Variants in GUK1 observed in about 807,000 individuals in gnomAD.
GUK1 encodes guanylate kinase 1, also known as guanylate kinase.
Under a neutral mutation model 25.2 loss-of-function variants are expected in GUK1, and 18 were observed. That is an observed-to-expected ratio of 0.71 (90% CI 0.49 to 1.06). The LOEUF (loss-of-function observed/expected upper bound fraction) is 1.06, where lower values mean the gene tolerates loss of function less well. GUK1 is among the 50% of genes least tolerant of loss of function. GUK1 has a pLI of 0.00. For synonymous variants in GUK1, 105 were observed against 117.6 expected, an observed-to-expected ratio of 0.89 and a Z score of 0.69; for missense variants, 261 against 276.7, an observed-to-expected ratio of 0.94 and a Z score of 0.40.
chr1:228,141,312 C>G, intron 2 of GUK1: 1 of 964,826 alleles, frequency 1.0e-6, no homozygotes, highest in Non-Finnish European at 1.2e-6. Context: ...CCTGTCCCCC[C>G]CGGGGAAAGA....
At position 228,147,561 on chromosome 1, in the gene GUK1, G is replaced by A; in HGVS notation, c.390+17G>A. On this transcript the variant is annotated intron_variant, in intron 6 of 8. Transcript: ENST00000312726. ...CACGTGCTGGTGTGTGCTGGGCAGG[G>A]TTGGGGGCTGGGGGCCAGGGCATGC... is the stretch of plus-strand genomic sequence containing the variant. 1 of 1,613,112 alleles carries A rather than the reference G, an allele frequency of 6.2e-7. No individual in the cohort carries two copies. The highest frequency in any genetic ancestry group is 8.5e-7 in the Non-Finnish European group (1 of 1,179,762).
At chr1:228,147,789 C>T in intron 7 of GUK1, 90 bp downstream of exon 6, 1 of 1,063,352 alleles carries the variant, frequency 9.4e-7, no homozygotes, top group Non-Finnish European at 1.4e-6. Context: ...GGTCCCCAGA[C>T]CTCCTGACAC....
At chr1:228,141,383 G>C (rs944790751) in intron 2 of GUK1, 8 of 519,224 alleles carry the variant, frequency 1.5e-5, no homozygotes, top group African/African-American at 4.1e-5. Context: ...CGAGGTTGCT[G>C]AAGGCCAGGA....
rs1467971741 is a variant in GUK1, at chr1:228,140,326, G to A, written c.-205G>A. ...GGATGCTGCGGCGCCCGCTGGCCGG[G>A]CTGGCTGCGGCCGCCCTGGGCCGGG... On this transcript the variant is annotated 5_prime_UTR_variant, in exon 1 of 9. Coordinates refer to ENST00000312726, the MANE Select transcript of GUK1 (RefSeq NM_000858.7). The A allele has an allele frequency of 3.3e-6, 5 of 1,528,270 alleles. No homozygotes were observed. Among genetic ancestry groups the A allele is most frequent in the South Asian group, 2.4e-5 (2 of 83,436 alleles). 94.7% of individuals were successfully genotyped at this position (1,528,270 alleles called of 1,614,324 possible).
At chr1:228,141,017 C>A (rs913523401) in intron 1 of GUK1, 1 of 276,016 alleles carries the variant, frequency 3.6e-6, no homozygotes, top group Non-Finnish European at 5.5e-6. Flanking sequence ...TTTGACCCTG[C>A]GTGTGGTGGG....
intron 7 of GUK1, 166 bp from the exon 7 acceptor site, chr1:228,148,205 A>AG: frequency 1.4e-6 from 1 of 698,192 alleles, no homozygotes; most frequent in Non-Finnish European, 2.7e-6. Context: ...ACTGAGGCCC[A>AG]GGGGGCGGCC....
In GUK1 at chr1:228,142,203, ACT is replaced by A. The variant is rs1268528964; in HGVS notation, c.-3+920_-3+921del. 1.2e-4 allele frequency among the ~76,000 whole-genome samples: 18 copies of A among 152,104 alleles called. 1 individual carries two copies. The highest frequency in any genetic ancestry group is 4.1e-4 in the African/African-American group (17 of 41,402). ...CATCCACTCACTGTCTGCCCTCTGC[ACT>A]CTCTGGCTGGCCAGGGCCCCCAGTA... On this transcript the variant is annotated intron_variant, in intron 2 of 8. Coordinates refer to ENST00000312726, the MANE Select transcript of GUK1 (RefSeq NM_000858.7).
At chr1:228,148,572 A>G (rs2034535282) in intron 8 of GUK1, 93 bp from the exon 8 acceptor site, 1 of 1,389,552 alleles carries the variant, frequency 7.2e-7, no homozygotes, top group Non-Finnish European at 1.0e-6. Context: ...AAGCACTGGC[A>G]TGAGACACCG....
intron 2 of GUK1, chr1:228,145,281 C>T (rs529314238): frequency 1.1e-5 from 4 of 371,578 alleles, no homozygotes; most frequent in South Asian, 1.1e-4. Flanking sequence ...GCCTTCCATT[C>T]GTCTCCCGTG....
chr1:228,146,007 T>A lies in GUK1; in HGVS notation c.113-19T>A. ...TGGGCTCCGAGCAGCCCCCGATGGGTGACAGGTCTCTCTGCTAGATACCAC... is the reference window on the plus strand; with the variant it reads ...TGGGCTCCGAGCAGCCCCCGATGGGAGACAGGTCTCTCTGCTAGATACCAC... On this transcript the variant is annotated intron_variant, in intron 3 of 8. Transcript: ENST00000312726. 1 of 1,601,288 alleles carries A rather than the reference T, an allele frequency of 6.2e-7. No individual in the cohort carries two copies. Among genetic ancestry groups the A allele is most frequent in the Admixed American group, 1.7e-5 (1 of 59,920 alleles).
chr1:228,142,571 C>A (rs1426287244), intron 2 of GUK1, among the ~76,000 whole-genome samples: 1 of 152,028 alleles, frequency 6.6e-6, no homozygotes, highest in Non-Finnish European at 1.5e-5. Context: ...AGGAAACAGG[C>A]GGGGTTGGGG....
At position 228,146,836 on chromosome 1, in the gene GUK1, C is replaced by T. The variant is rs1416871982; in HGVS notation, c.155-6C>T. The T allele has an allele frequency of 6.9e-6, 11 of 1,599,226 alleles. No homozygotes were observed. The Admixed American group carries it at 1.8e-4, about 27-fold the overall frequency. ...TGCCCTCTGGATGGCCCCTCCTCTT[C>T]CCCAGATTACTACTTTGTAACCAGG... On this transcript the variant is annotated splice_polypyrimidine_tract_variant and splice_region_variant and intron_variant, in intron 4 of 8. Coordinates refer to ENST00000312726, the MANE Select transcript of GUK1 (RefSeq NM_000858.7).
intron 4 of GUK1, 73 bp from the exon 4 acceptor site, chr1:228,146,769 T>C: frequency 1.1e-6 from 1 of 944,388 alleles, no homozygotes; most frequent in Non-Finnish European, 1.8e-6. Context: ...CATGCCTGGG[T>C]TGGGGGCAGC....
At chr1:228,144,238 T>C (rs2034235165) in intron 2 of GUK1, 1 of 152,234 alleles carries the variant, frequency 6.6e-6, no homozygotes, top group African/African-American at 2.4e-5. Flanking sequence ...GTGGCCTAAA[T>C]TGGGGATTAG....
rs770979116 is a variant in GUK1 at position 228,148,888 on chromosome 1, C to T, written c.*191C>T. On this transcript the variant is annotated 3_prime_UTR_variant, in exon 9 of 9. Coordinates refer to ENST00000312726, the MANE Select transcript of GUK1 (RefSeq NM_000858.7). ...AGCCTCGCTGGGCTGTCCCCTGTCCCTATCTCTCACTCTGGACCCAGGGCT... is the reference window on the plus strand; with the variant it reads ...AGCCTCGCTGGGCTGTCCCCTGTCCTTATCTCTCACTCTGGACCCAGGGCT... 2.1e-6 allele frequency: 3 copies of T among 1,409,220 alleles called. No homozygotes were observed. The highest frequency in any genetic ancestry group is 2.9e-6 in the Non-Finnish European group (3 of 1,030,620). 87.3% of individuals were successfully genotyped at this position (1,409,220 alleles called of 1,614,324 possible).
intron 2 of GUK1, chr1:228,145,289 G>C (rs1051319665): frequency 7.5e-6 from 3 of 400,780 alleles, no homozygotes; most frequent in South Asian, 9.6e-5. Flanking sequence ...TTCGTCTCCC[G>C]TGTGCCCAGA....
rs1433447835 is a variant in GUK1 at position 228,148,441 on chromosome 1, G to A, written c.546G>A (p.Lys182=). Reference sequence around the variant, plus strand: ...TGGACCAGGCCTACGCAGAGCTGAAGGAGGCGCTCTCTGAGGTGGGCCCAT... The same window carrying A: ...TGGACCAGGCCTACGCAGAGCTGAAAGAGGCGCTCTCTGAGGTGGGCCCAT... The change falls in exon 8 of 9, where the codon AAG becomes AAA. Residue 182 remains lysine, a synonymous_variant. Transcript: ENST00000312726. 1.9e-6 allele frequency: 3 copies of A among 1,573,402 alleles called. No homozygotes were observed. The highest frequency in any genetic ancestry group is 2.6e-6 in the Non-Finnish European group (3 of 1,157,798).
At chr1:228,141,895 T>A in intron 2 of GUK1, 1 of 658,254 alleles carries the variant, frequency 1.5e-6, no homozygotes, top group Non-Finnish European at 2.1e-6. Flanking sequence ...GACTGTGGGT[T>A]GGTGAGAGTG....
chr1:228,146,435 C>A (rs946112489), intron 4 of GUK1: 2 of 432,362 alleles, frequency 4.6e-6, no homozygotes, highest in Non-Finnish European at 8.4e-6. Context: ...AGACAAGGGA[C>A]CCCCTTCCCA....
Sources: allele counts gnomAD v4.1 joint callset (sites outside exome capture counted in the v4.1 genomes callset), GRCh38; gene constraint gnomAD v4.1.1; transcripts MANE v1.5; gene names NCBI Gene and HGNC (gene_info 2026-07-23, HGNC 2026-07-21).